The following MAP4K3 variants were observed in gnomAD, a reference collection of about 807,000 sequenced individuals.
The protein encoded by MAP4K3 is mitogen-activated protein kinase kinase kinase kinase 3, also known as MAPK/ERK kinase kinase kinase 3.
Under a neutral mutation model 143.5 loss-of-function variants are expected in MAP4K3, and 94 were observed. The observed-to-expected ratio is 0.65, with a 90% CI of 0.55 to 0.78. The LOEUF (loss-of-function observed/expected upper bound fraction) is 0.78, where lower values mean the gene tolerates loss of function less well. MAP4K3 is among the 30% of genes least tolerant of loss of function. The pLI, the probability that MAP4K3 is intolerant of heterozygous loss-of-function variation, is 0.00. For synonymous variants in MAP4K3, 416 were observed against 347.2 expected, an observed-to-expected ratio of 1.20 and a Z score of -2.20; for missense variants, 1,077 against 1,068.1, an observed-to-expected ratio of 1.01 and a Z score of -0.12.
chr2:39,343,451 G>C lies in MAP4K3; in HGVS notation c.247C>G (p.Arg83Gly). 1 of 1,611,318 alleles carries C rather than the reference G, an allele frequency of 6.2e-7. No homozygotes were observed. The highest frequency in any genetic ancestry group is 8.5e-7 in the Non-Finnish European group (1 of 1,178,280). The change falls in exon 4 of 34, where the codon CGA becomes GGA. Residue 83 changes from arginine (R) to glycine (G), a missense_variant and splice_region_variant. Transcript: ENST00000263881. Reference protein sequence around the residue: ...IVAYFGSYLRRDKLWICMEFC... With the variant: ...IVAYFGSYLRGDKLWICMEFC... Reference sequence around the variant, plus strand: ...TCCATGCAAATCCAAAGCTTATCTCGCCTATAAAGAGAAAAGAAGCATGTA... The same window carrying C: ...TCCATGCAAATCCAAAGCTTATCTCCCCTATAAAGAGAAAAGAAGCATGTA...
At position 39,302,045 on chromosome 2, in the gene MAP4K3, T is replaced by TA. The variant is rs200405037; in HGVS notation, c.1120-2245dup. Among the ~76,000 whole-genome samples, 160 of 149,648 alleles carry TA rather than the reference T, an allele frequency of 1.1e-3. 1 individual carries two copies. The highest frequency in any genetic ancestry group is 3.0e-3 in the South Asian group (14 of 4,672). ...CTCAAAAAATAATAATAAAAAAAAT[T>TA]AAAAAAAAATAAAGAAAATAAACTG... On this transcript the variant is annotated intron_variant, in intron 15 of 33. Coordinates refer to ENST00000263881, the MANE Select transcript of MAP4K3 (RefSeq NM_003618.4).
chr2:39,344,781 C>T (rs181866124), intron 3 of MAP4K3, among the ~76,000 whole-genome samples: 291 of 152,058 alleles, frequency 1.9e-3, no homozygotes, highest in African/African-American at 6.7e-3. Context: ...TAGAAATTTA[C>T]CAGGGAGAGA....
intron 2 of MAP4K3, among the ~76,000 whole-genome samples, chr2:39,375,150 T>C (rs1282402611): frequency 2.6e-5 from 4 of 152,118 alleles, no homozygotes; most frequent in African/African-American, 4.8e-5. Context: ...TCCTAGCTAC[T>C]TGGGAGACTG....
At chr2:39,355,736 G>T (rs912666969) in intron 3 of MAP4K3, among the ~76,000 whole-genome samples, 1 of 152,000 alleles carries the variant, frequency 6.6e-6, no homozygotes, top group African/African-American at 2.4e-5. Context: ...AACAAAGTAA[G>T]AGAAAGGAAA....
chr2:39,324,248 A>C (rs1426533441), intron 12 of MAP4K3, among the ~76,000 whole-genome samples: 3 of 152,012 alleles, frequency 2.0e-5, no homozygotes, highest in African/African-American at 7.3e-5. Context: ...CTCTACTAAA[A>C]ATACAAAAAT....
At chr2:39,344,481 A>C (rs900425732) in intron 3 of MAP4K3, among the ~76,000 whole-genome samples, 1 of 152,228 alleles carries the variant, frequency 6.6e-6, no homozygotes, top group Admixed American at 6.5e-5. Flanking sequence ...AAATAGTTTC[A>C]TTGGAACACA....
Position 39,272,412 on chromosome 2 carries a change from AAC to A in MAP4K3, c.1856-14_1856-13del. 1 of 1,606,132 alleles carries A rather than the reference AAC, an allele frequency of 6.2e-7. No homozygotes were observed. The highest frequency in any genetic ancestry group is 1.7e-4 in the Middle Eastern group (1 of 6,038). On this transcript the variant is annotated splice_polypyrimidine_tract_variant and intron_variant, in intron 25 of 33. Coordinates refer to ENST00000263881, the MANE Select transcript of MAP4K3 (RefSeq NM_003618.4). ...CTGAGAAGCTTTACCTATAAAGAAA[AAC>A]AGATATGACATAAAAGCTAATAATA...
chr2:39,306,154 G>A lies in MAP4K3; in HGVS notation c.1119+1789C>T, dbSNP rs189809735. On this transcript the variant is annotated intron_variant, in intron 15 of 33. Transcript: ENST00000263881. ...AGTATTTGTAATTTTAAAGTATTATGTTTCCAGTTTTGTTGTTATCTTTTC... is the reference window on the plus strand; with the variant it reads ...AGTATTTGTAATTTTAAAGTATTATATTTCCAGTTTTGTTGTTATCTTTTC... Among the ~76,000 whole-genome samples the A allele has an allele frequency of 2.0e-5, 3 of 152,220 alleles. No homozygotes were observed. In the East Asian group the frequency reaches 5.8e-4, roughly 29 times the overall value.
intron 14 of MAP4K3, 96 bp from the exon 15 acceptor site, chr2:39,308,101 C>T: frequency 7.6e-6 from 6 of 792,316 alleles, no homozygotes; most frequent in Non-Finnish European, 1.2e-5. Context: ...GTAAGTCCTG[C>T]TAATATAATT....
rs77484108 is a variant in MAP4K3 at position 39,351,467 on chromosome 2, T to C, written c.245+4782A>G. Among the ~76,000 whole-genome samples, 80 of 152,366 alleles carry C rather than the reference T, an allele frequency of 5.3e-4. 3 individuals are homozygous for C. The East Asian group carries it at 9.6e-3, about 18-fold the overall frequency. On this transcript the variant is annotated intron_variant, in intron 3 of 33. Transcript: ENST00000263881. ...ATATTATGTTACGATTATTTGCTCA[T>C]GCCTACTTCTCCTGTTAGATTATAA... is the stretch of plus-strand genomic sequence containing the variant.
At chr2:39,352,654 A>T (rs1358333450) in intron 3 of MAP4K3, among the ~76,000 whole-genome samples, 1 of 152,206 alleles carries the variant, frequency 6.6e-6, no homozygotes, top group Non-Finnish European at 1.5e-5. Flanking sequence ...ACAGTGGAGT[A>T]GGAAAGGTCT....
At chr2:39,267,552 A>T (rs1680816457) in intron 26 of MAP4K3, 2 of 253,374 alleles carry the variant, frequency 7.9e-6, no homozygotes, top group Non-Finnish European at 1.6e-5. Flanking sequence ...GTATGCCTGT[A>T]ATCCCAGCTA....
intron 1 of MAP4K3, among the ~76,000 whole-genome samples, chr2:39,408,703 G>A (rs980371704): frequency 2.0e-5 from 3 of 151,150 alleles, no homozygotes; most frequent in Non-Finnish European, 4.4e-5. Flanking sequence ...GGATCTTAGA[G>A]AAATTTAAGA....
At chr2:39,406,517 T>C (rs534720326) in intron 1 of MAP4K3, among the ~76,000 whole-genome samples, 4 of 152,260 alleles carry the variant, frequency 2.6e-5, no homozygotes, top group East Asian at 3.9e-4. Flanking sequence ...GGAGATCTAA[T>C]ACATCTGACA....
intron 2 of MAP4K3, among the ~76,000 whole-genome samples, chr2:39,372,188 G>C (rs1243536778): frequency 6.6e-6 from 1 of 151,066 alleles, no homozygotes; most frequent in East Asian, 1.9e-4. Flanking sequence ...ATTTACAATA[G>C]CTACAAATAA....
intron 3 of MAP4K3, among the ~76,000 whole-genome samples, chr2:39,345,199 T>G (rs903018724): frequency 2.0e-5 from 3 of 151,476 alleles, no homozygotes; most frequent in Non-Finnish European, 4.4e-5. Context: ...ACAGTGAGAC[T>G]CTCATCTCTT....
chr2:39,418,230 G>T (rs1667440131), intron 1 of MAP4K3, among the ~76,000 whole-genome samples: 1 of 149,276 alleles, frequency 6.7e-6, no homozygotes, highest in Non-Finnish European at 1.5e-5. Flanking sequence ...AAATGATGGG[G>T]ACCTATGAAT....
chr2:39,286,283 T>G (rs1179336431), intron 21 of MAP4K3, among the ~76,000 whole-genome samples: 1 of 152,238 alleles, frequency 6.6e-6, no homozygotes, highest in African/African-American at 2.4e-5. Context: ...ATGCTGCAGC[T>G]GACCTGACAG....
intron 7 of MAP4K3, 152 bp from the exon 8 acceptor site, chr2:39,332,141 T>G (rs2148521908): frequency 2.1e-6 from 1 of 480,580 alleles, no homozygotes; most frequent in Middle Eastern, 5.9e-4. Context: ...ATTTTAACCT[T>G]AATGGACTCG....
Sources: allele counts gnomAD v4.1 joint callset (sites outside exome capture counted in the v4.1 genomes callset), GRCh38; gene constraint gnomAD v4.1.1; transcripts MANE v1.5; gene names NCBI Gene and HGNC (gene_info 2026-07-23, HGNC 2026-07-21).